Variants in KTN1 observed in about 807,000 individuals in gnomAD.
KTN1 encodes the protein kinectin.
Under a neutral mutation model 222.5 loss-of-function variants are expected in KTN1, and 130 were observed. That is an observed-to-expected ratio of 0.58 (90% confidence interval 0.51 to 0.68). KTN1 has a LOEUF of 0.68. Ranked by LOEUF, KTN1 falls within the 30% of genes least tolerant of loss-of-function variation. The pLI is 0.00. For synonymous variants in KTN1, 512 were observed against 496.3 expected (o/e 1.03, Z -0.42); for missense variants, 1,508 against 1,500.4 (o/e 1.01, Z -0.08).
chr14:55,646,497 TTCC>T (rs2042355907), intron 18 of KTN1, among the ~76,000 whole-genome samples: 8 of 112,232 alleles, frequency 7.1e-5, no homozygotes, highest in Admixed American at 2.8e-4. Flanking sequence ...TTCCTTTCCT[TTCC>T]TTTCCTTTCC....
At chr14:55,675,453 A>G in intron 40 of KTN1, 1 of 161,808 alleles carries the variant, frequency 6.2e-6, no homozygotes, top group East Asian at 1.8e-4. Flanking sequence ...TTGACTCTTT[A>G]ATTGAACTGT....
Position 55,637,293 on chromosome 14 carries a change from A to G in KTN1, c.1645A>G (p.Arg549Gly). The G allele has an allele frequency of 6.2e-7, 1 of 1,612,130 alleles. No homozygotes were observed. The highest frequency in any genetic ancestry group is 1.7e-4 in the Middle Eastern group (1 of 6,052). ...TLVSKQQLEQ[R>G]LMQLMESEQK... ...GGTATCAAAACAACAGTTGGAGCAA[A>G]GACTAATGCAGTTAATGGAATCAGA... Residue 549 changes from arginine to glycine, a missense_variant, in exon 11 of 44, where the codon AGA (arginine) becomes GGA (glycine). Transcript: ENST00000395314.
intron 1 of KTN1, among the ~76,000 whole-genome samples, chr14:55,581,323 CCTT>C (rs2031553700): frequency 6.6e-6 from 1 of 152,238 alleles, no homozygotes; most frequent in African/African-American, 2.4e-5. Flanking sequence ...CAGTGTTGGC[CCTT>C]CTTTCCTGTG....
At chr14:55,641,075 G>T in intron 16 of KTN1, 52 bp from the exon 17 acceptor site, 3 of 1,480,158 alleles carry the variant, frequency 2.0e-6, no homozygotes, top group Non-Finnish European at 2.8e-6. Flanking sequence ...CATAATTCTT[G>T]TAGATTTTCT....
intron 40 of KTN1, chr14:55,674,221 T>C (rs1346601846): frequency 6.6e-6 from 1 of 152,088 alleles, no homozygotes; most frequent in African/African-American, 2.4e-5. Flanking sequence ...ACAGGTTGCG[T>C]ATTCTTTATC....
intron 1 of KTN1, among the ~76,000 whole-genome samples, chr14:55,605,409 G>A (rs752240128): frequency 1.1e-4 from 16 of 152,066 alleles, no homozygotes; most frequent in African/African-American, 2.7e-4. Context: ...GTTATTTTGC[G>A]TTGTGGGCTT....
chr14:55,679,609 T>G lies in KTN1; in HGVS notation c.3993T>G (p.Thr1331=), dbSNP rs2046189428. ...KETMSVSLNQ[T]VTQLQQLLQA... is the part of the protein sequence containing the mutation. The stretch of plus-strand genomic sequence containing the variant: ...CAATGTCTGTAAGTCTAAATCAGAC[T>G]GTAACACAGTTACAGCAGTTGCTTC... The change falls in exon 43 of 44, where the codon ACT becomes ACG. Residue 1331 remains threonine, a synonymous_variant. Transcript: ENST00000395314. 1 of 1,611,722 alleles carries G rather than the reference T, an allele frequency of 6.2e-7. No individual in the cohort carries two copies. The highest frequency in any genetic ancestry group is 1.7e-5 in the Admixed American group (1 of 59,988).
chr14:55,674,142 T>G (rs141420329), intron 40 of KTN1: 1 of 152,136 alleles, frequency 6.6e-6, no homozygotes, highest in Non-Finnish European at 1.5e-5. Context: ...CTCATTCATT[T>G]GTGGTTGGTA....
intron 30 of KTN1, among the ~76,000 whole-genome samples, chr14:55,659,433 T>C (rs914203365): frequency 2.0e-5 from 3 of 152,062 alleles, no homozygotes; most frequent in African/African-American, 7.2e-5. Context: ...ACTTATTAAA[T>C]GAAGAGTTCA....
chr14:55,647,680 A>T (rs1301607450), intron 19 of KTN1, among the ~76,000 whole-genome samples: 2 of 137,658 alleles, frequency 1.5e-5, no homozygotes, highest in African/African-American at 5.4e-5. Context: ...ATGGTGGCTG[A>T]TGCTGGTAAT....
At chr14:55,666,272 G>T (rs949635426) in intron 33 of KTN1, among the ~76,000 whole-genome samples, 36 of 152,000 alleles carry the variant, frequency 2.4e-4, no homozygotes, top group Middle Eastern at 3.4e-3. Context: ...ATCAGTGATA[G>T]ATTTCAAATT....
intron 1 of KTN1, among the ~76,000 whole-genome samples, chr14:55,611,430 T>G (rs1273430841): frequency 6.6e-6 from 1 of 152,110 alleles, no homozygotes; most frequent in African/African-American, 2.4e-5. Context: ...AAATGCCACA[T>G]CCTAACATTT....
chr14:55,658,525 G>A (rs1422792823), intron 29 of KTN1, 21 bp from the exon 30 acceptor site: 2 of 1,408,196 alleles, frequency 1.4e-6, no homozygotes, highest in Non-Finnish European at 2.0e-6. Context: ...AGATACTGAT[G>A]TTTAATTTTT....
intron 18 of KTN1, among the ~76,000 whole-genome samples, chr14:55,646,486 TTTCCTTTCCTTTCCTTTCCTTTCC>T (rs1566788681): frequency 1.3e-4 from 13 of 99,690 alleles, no homozygotes; most frequent in Non-Finnish European, 2.3e-4. Context: ...TTTCCTTTCC[TTTCCTTTCCTTTCCTTTCCTTTCC>T]TTTCCTTTCC....
intron 27 of KTN1, among the ~76,000 whole-genome samples, 191 bp downstream of exon 27, chr14:55,653,276 C>T (rs80001354): frequency 0.026 from 3,939 of 152,252 alleles, 172 homozygotes; most frequent in African/African-American, 0.09. Context: ...CTTAATCTGT[C>T]AACCTGAGCC....
At chr14:55,603,963 T>C (rs1469628669) in intron 1 of KTN1, among the ~76,000 whole-genome samples, 1 of 152,164 alleles carries the variant, frequency 6.6e-6, no homozygotes, top group Admixed American at 6.5e-5. Context: ...GTATCAAAAA[T>C]TTGACCATCT....
At chr14:55,610,963 A>G (rs531033388) in intron 1 of KTN1, among the ~76,000 whole-genome samples, 1 of 152,366 alleles carries the variant, frequency 6.6e-6, no homozygotes, top group East Asian at 1.9e-4. Flanking sequence ...TGATGAGGCA[A>G]AGCCTTTTAT....
chr14:55,643,602 A>T (rs1028331545), intron 18 of KTN1, among the ~76,000 whole-genome samples: 1 of 152,228 alleles, frequency 6.6e-6, no homozygotes, highest in Admixed American at 6.5e-5. Context: ...AAACTGTCCT[A>T]GAATTCTTAT....
rs74806782 is a variant in KTN1 at position 55,624,679 on chromosome 14, A to C, written c.964-3233A>C. ...GATAGAAGGCTCAAGAATGAACCCC[A>C]GGAAACACCAACAATGAAAGGGCAA... is the stretch of plus-strand genomic sequence containing the variant. On this transcript the variant is annotated intron_variant, in intron 5 of 43. Transcript: ENST00000395314. Among the ~76,000 whole-genome samples, 376 of 152,310 alleles carry C rather than the reference A, an allele frequency of 2.5e-3. 9 individuals carry two copies. The East Asian group carries it at 0.054, about 22-fold the overall frequency.
Sources: gnomAD v4.1 joint callset for allele counts (sites outside exome capture counted in the v4.1 genomes callset) on GRCh38, gnomAD v4.1.1 for gene constraint, MANE v1.5 for transcripts, NCBI Gene and HGNC (gene_info 2026-07-23, HGNC 2026-07-21) for gene names.